The following CAMK1D variants were observed in gnomAD, a reference collection of about 807,000 sequenced individuals.
CAMK1D encodes the protein calcium/calmodulin-dependent protein kinase type 1D.
A neutral mutation model predicts 47.7 loss-of-function variants in CAMK1D; 9 were observed. The ratio of observed to expected loss-of-function variants is 0.19; its 90% CI spans 0.11 to 0.33. CAMK1D has a LOEUF of 0.33. CAMK1D is among the 10% of genes least tolerant of loss of function. The pLI, the probability that CAMK1D is intolerant of heterozygous loss-of-function variation, is 1.00. For missense variants in CAMK1D, 291 were observed against 488.7 expected (o/e 0.60, Z 3.81); for synonymous variants, 184 against 184.9 (o/e 0.99, Z 0.04).
intron 1 of CAMK1D, among the ~76,000 whole-genome samples, chr10:12,536,869 A>G (rs1306099050): frequency 6.6e-6 from 1 of 152,186 alleles, no homozygotes; most frequent in Non-Finnish European, 1.5e-5. Flanking sequence ...GCTACAGAGT[A>G]TTCTGCTGAA....
chr10:12,652,425 C>CAA (rs35773480), intron 2 of CAMK1D, among the ~76,000 whole-genome samples: 12,462 of 123,808 alleles, frequency 0.1, 777 homozygotes, highest in South Asian at 0.19. Context: ...ACTAAAAATA[C>CAA]AAAAAAAAAA....
At chr10:12,742,263 T>A (rs933992242) in intron 3 of CAMK1D, among the ~76,000 whole-genome samples, 7 of 152,212 alleles carry the variant, frequency 4.6e-5, no homozygotes, top group Non-Finnish European at 8.8e-5. Flanking sequence ...AGCCCTCAAG[T>A]AGCTGGGACT....
intron 3 of CAMK1D, among the ~76,000 whole-genome samples, chr10:12,690,044 C>T (rs1169839536): frequency 1.3e-5 from 2 of 152,226 alleles, no homozygotes; most frequent in Non-Finnish European, 2.9e-5. Flanking sequence ...GACAGTAGCA[C>T]TGTCCTGTGA....
At chr10:12,642,753 T>C (rs1277287123) in intron 2 of CAMK1D, among the ~76,000 whole-genome samples, 1 of 152,246 alleles carries the variant, frequency 6.6e-6, no homozygotes, top group African/African-American at 2.4e-5. Flanking sequence ...TTAGGGTTTG[T>C]AATTCTGATT....
At chr10:12,553,973 T>C (rs923603724) in intron 2 of CAMK1D, among the ~76,000 whole-genome samples, 2 of 152,240 alleles carry the variant, frequency 1.3e-5, no homozygotes, top group African/African-American at 4.8e-5. Flanking sequence ...TTTCTCCCAT[T>C]CTCTGCCACA....
rs528403326 is a variant in CAMK1D, at chr10:12,396,388, G to C, written c.92+46478G>C. 3.9e-5 allele frequency among the ~76,000 whole-genome samples: 6 copies of C among 152,332 alleles called. No individual in the cohort carries two copies. The East Asian group carries it at 9.7e-4, about 25-fold the overall frequency. ...AATCGTCATTTTTCTCGTGACTGCTGTTGGGGTTTTCTCCCTCTCAGGGCT... is the reference window on the plus strand; with the variant it reads ...AATCGTCATTTTTCTCGTGACTGCTCTTGGGGTTTTCTCCCTCTCAGGGCT... On this transcript the variant is annotated intron_variant, in intron 1 of 10. Coordinates refer to ENST00000619168, the MANE Select transcript of CAMK1D (RefSeq NM_153498.4).
At chr10:12,625,500 G>T (rs1042780870) in intron 2 of CAMK1D, among the ~76,000 whole-genome samples, 45 of 150,032 alleles carry the variant, frequency 3.0e-4, no homozygotes, top group Non-Finnish European at 5.0e-4. Flanking sequence ...ACGCCTGATT[G>T]ATTTTTATTT....
chr10:12,359,759 G>T (rs1288508708), intron 1 of CAMK1D, among the ~76,000 whole-genome samples: 1 of 152,174 alleles, frequency 6.6e-6, no homozygotes, highest in Non-Finnish European at 1.5e-5. Context: ...CTTACTTACA[G>T]TGTCTAACCA....
At chr10:12,516,614 C>A (rs1427111260) in intron 1 of CAMK1D, among the ~76,000 whole-genome samples, 2 of 152,222 alleles carry the variant, frequency 1.3e-5, no homozygotes, top group Non-Finnish European at 2.9e-5. Flanking sequence ...AGCAGCGTAT[C>A]ATGATGCTGT....
At chr10:12,771,809 G>A (rs1837052231) in intron 5 of CAMK1D, among the ~76,000 whole-genome samples, 1 of 152,186 alleles carries the variant, frequency 6.6e-6, no homozygotes, top group South Asian at 2.1e-4. Context: ...CAAGGTGGTT[G>A]GGTCAGTTGA....
intron 1 of CAMK1D, among the ~76,000 whole-genome samples, chr10:12,536,467 T>C (rs10752267): frequency 0.32 from 48,870 of 151,938 alleles, 8,326 homozygotes; most frequent in East Asian, 0.48. Flanking sequence ...TTAGTAGAGA[T>C]GGGGTTTCTC....
chr10:12,800,831 T>A (rs1838399097), intron 6 of CAMK1D, among the ~76,000 whole-genome samples: 1 of 152,214 alleles, frequency 6.6e-6, no homozygotes, highest in Non-Finnish European at 1.5e-5. Flanking sequence ...TCTGTCATCA[T>A]GTTCATAATA....
intron 3 of CAMK1D, among the ~76,000 whole-genome samples, chr10:12,728,062 G>A (rs983184419): frequency 5.3e-5 from 8 of 152,108 alleles, no homozygotes; most frequent in Admixed American, 4.6e-4. Context: ...CACAGCTCCC[G>A]GCCTTGATTA....
chr10:12,639,367 C>A (rs2132483306), intron 2 of CAMK1D, among the ~76,000 whole-genome samples: 2 of 152,234 alleles, frequency 1.3e-5, no homozygotes, highest in South Asian at 2.1e-4. Flanking sequence ...CGCCTGTAAT[C>A]CCAGCTACTC....
chr10:12,822,947 C>T lies in CAMK1D; in HGVS notation c.834-1518C>T, dbSNP rs549584453. On this transcript the variant is annotated intron_variant, in intron 8 of 10. Transcript: ENST00000619168. ...TTGCTTGAGATATTTCCTGCACGTCCCCTTGGCTGTGTGTTTGCAGCCCTG... is the reference window on the plus strand; with the variant it reads ...TTGCTTGAGATATTTCCTGCACGTCTCCTTGGCTGTGTGTTTGCAGCCCTG... Among the ~76,000 whole-genome samples the T allele has an allele frequency of 1.1e-4, 17 of 152,292 alleles. No homozygotes were observed. In the South Asian group the frequency reaches 3.3e-3, roughly 30 times the overall value.
chr10:12,630,781 C>G (rs1321504877), intron 2 of CAMK1D, among the ~76,000 whole-genome samples: 1 of 152,052 alleles, frequency 6.6e-6, no homozygotes, highest in Non-Finnish European at 1.5e-5. Context: ...TCCTCCGTAC[C>G]TCCCTTCTTT....
intron 1 of CAMK1D, among the ~76,000 whole-genome samples, chr10:12,484,472 C>T (rs750883495): frequency 7.2e-5 from 11 of 152,168 alleles, no homozygotes; most frequent in Non-Finnish European, 1.3e-4. Context: ...AGGCAGAGAT[C>T]GGAGATGGAG....
At chr10:12,696,818 C>T (rs564337473) in intron 3 of CAMK1D, among the ~76,000 whole-genome samples, 1 of 152,220 alleles carries the variant, frequency 6.6e-6, no homozygotes, top group East Asian at 1.9e-4. Flanking sequence ...ATGGGACCTT[C>T]GAAGAAAATA....
At chr10:12,728,793 GTC>G (rs1834766617) in intron 3 of CAMK1D, among the ~76,000 whole-genome samples, 1 of 152,222 alleles carries the variant, frequency 6.6e-6, no homozygotes, top group South Asian at 2.1e-4. Context: ...TGCTGCTGGT[GTC>G]TGGCTTTGGG....
Sources: gnomAD v4.1 joint callset for allele counts (sites outside exome capture counted in the v4.1 genomes callset) on GRCh38, gnomAD v4.1.1 for gene constraint, MANE v1.5 for transcripts, NCBI Gene and HGNC (gene_info 2026-07-23, HGNC 2026-07-21) for gene names.